The following KIAA1217 variants were observed in gnomAD, a reference collection of about 807,000 sequenced individuals.
The protein encoded by KIAA1217 is sickle tail protein homolog.
Under a neutral mutation model 163.9 loss-of-function variants are expected in KIAA1217, and 88 were observed. That is an observed-to-expected ratio of 0.54 (90% confidence interval 0.45 to 0.64). The LOEUF (loss-of-function observed/expected upper bound fraction) is 0.64, where lower values mean the gene tolerates loss of function less well. Among genes scored for constraint, KIAA1217 ranks in the 30% least tolerant of loss-of-function variants. The pLI is 0.00. For missense variants in KIAA1217, 2,372 were observed against 2,475.0 expected, an observed-to-expected ratio of 0.96 and a Z score of 0.88; for synonymous variants, 903 against 923.1, an observed-to-expected ratio of 0.98 and a Z score of 0.39.
intron 5 of KIAA1217, among the ~76,000 whole-genome samples, chr10:24,441,472 C>A (rs1032254545): frequency 6.6e-6 from 1 of 152,076 alleles, no homozygotes; most frequent in Non-Finnish European, 1.5e-5. Context: ...CTTCCCAGAG[C>A]GGTTTTATGA....
intron 1 of KIAA1217, among the ~76,000 whole-genome samples, chr10:23,850,519 G>C (rs1008484231): frequency 1.3e-5 from 2 of 152,126 alleles, no homozygotes; most frequent in African/African-American, 2.4e-5. Context: ...TTTATGAAGA[G>C]GCAAAGATTG....
In KIAA1217 at chr10:24,525,955, C is replaced by T. The variant is rs143728352; in HGVS notation, c.2898+1191C>T. On this transcript the variant is annotated intron_variant, in intron 13 of 20. Transcript: ENST00000376454. ...TCAGTGAGCCAAGATCACGCCACTG[C>T]ACTCTAGCCTGGGCGACAGAGTGAG... is the stretch of plus-strand genomic sequence containing the variant. Among the ~76,000 whole-genome samples, 930 of 152,334 alleles carry T rather than the reference C, an allele frequency of 6.1e-3. 10 individuals carry two copies. Among genetic ancestry groups the T allele is most frequent in the African/African-American group, 0.021 (887 of 41,568 alleles).
chr10:24,155,218 C>G (rs2064820871), intron 2 of KIAA1217, among the ~76,000 whole-genome samples: 1 of 152,138 alleles, frequency 6.6e-6, no homozygotes, highest in South Asian at 2.1e-4. Flanking sequence ...CTCCTGCCTC[C>G]TTTCCTAGTC....
intron 1 of KIAA1217, among the ~76,000 whole-genome samples, chr10:23,956,589 T>G (rs1213573899): frequency 2.0e-5 from 3 of 152,160 alleles, no homozygotes; most frequent in Middle Eastern, 3.2e-3. Flanking sequence ...GTTTTTGCAT[T>G]GCTGTAAAGG....
intron 1 of KIAA1217, among the ~76,000 whole-genome samples, chr10:23,781,788 G>C (rs1228522403): frequency 6.6e-6 from 1 of 152,088 alleles, no homozygotes; most frequent in Non-Finnish European, 1.5e-5. Context: ...TTCGTATATA[G>C]ATATTTAGTT....
In KIAA1217 at chr10:23,790,430, CATATACAT is replaced by C. The variant is rs1464940101; in HGVS notation, c.-321+95213_-321+95220del. Among the ~76,000 whole-genome samples, 56 of 73,742 alleles carry C rather than the reference CATATACAT, an allele frequency of 7.6e-4. 4 individuals are homozygous for C. In the East Asian group the frequency reaches 0.019, roughly 24 times the overall value. The allele number at this position is 73,742 out of a possible 152,430, so 48.4% of individuals were successfully genotyped here. On this transcript the variant is annotated intron_variant, in intron 1 of 18. Transcript: ENST00000376462. ...ATACATATACATATATACATATATA[CATATACAT>C]ATATACATATATACATGTGCATATA...
intron 2 of KIAA1217, among the ~76,000 whole-genome samples, chr10:24,048,384 GA>G (rs1849201874): frequency 6.6e-6 from 1 of 152,198 alleles, no homozygotes; most frequent in Non-Finnish European, 1.5e-5. Flanking sequence ...GTGTGAATAT[GA>G]AAAATTACAC....
chr10:24,022,909 G>C (rs1420534502), intron 2 of KIAA1217, among the ~76,000 whole-genome samples: 1 of 147,296 alleles, frequency 6.8e-6, no homozygotes, highest in Non-Finnish European at 1.5e-5. Context: ...AGGAACTTAA[G>C]GATATATACT....
At chr10:24,035,810 C>T (rs552967139) in intron 2 of KIAA1217, among the ~76,000 whole-genome samples, 2 of 152,276 alleles carry the variant, frequency 1.3e-5, no homozygotes, top group South Asian at 4.1e-4. Context: ...GCCAAAAAAG[C>T]GAAGTTGGCT....
At chr10:23,725,083 G>T (rs1588668267) in intron 1 of KIAA1217, among the ~76,000 whole-genome samples, 1 of 152,036 alleles carries the variant, frequency 6.6e-6, no homozygotes, top group African/African-American at 2.4e-5. Context: ...CTATGTCATG[G>T]GTTCTCTTTC....
intron 3 of KIAA1217, among the ~76,000 whole-genome samples, chr10:24,392,263 G>A (rs1198534883): frequency 1.3e-5 from 2 of 151,982 alleles, no homozygotes; most frequent in Non-Finnish European, 2.9e-5. Context: ...AAGTTTTAAG[G>A]CATTATCTTC....
chr10:23,863,260 C>A, intron 1 of KIAA1217, among the ~76,000 whole-genome samples: 1 of 152,272 alleles, frequency 6.6e-6, no homozygotes, highest in East Asian at 1.9e-4. Flanking sequence ...ACCAAACTCC[C>A]GATCTTAATT....
chr10:23,704,172 G>GTGTGTGTGTGTGTGTGTGTATA (rs1229370789), intron 1 of KIAA1217, among the ~76,000 whole-genome samples: 1 of 39,942 alleles, frequency 2.5e-5, no homozygotes, highest in African/African-American at 1.3e-4. Context: ...GTGTGTGTGT[G>GTGTGTGTGTGTGTGTGTGTATA]TATATATATA....
intron 2 of KIAA1217, among the ~76,000 whole-genome samples, chr10:24,353,645 G>A (rs2048729620): frequency 6.6e-6 from 1 of 152,136 alleles, no homozygotes; most frequent in Admixed American, 6.5e-5. Context: ...CTCTTGATGT[G>A]ACTCAGTTTT....
At chr10:24,478,277 C>T (rs982547417) in intron 6 of KIAA1217, among the ~76,000 whole-genome samples, 1 of 152,192 alleles carries the variant, frequency 6.6e-6, no homozygotes, top group Non-Finnish European at 1.5e-5. Flanking sequence ...TTGGTAACAG[C>T]TCTGTTGACT....
chr10:24,016,018 T>G (rs1242709665), intron 2 of KIAA1217, among the ~76,000 whole-genome samples: 3 of 152,140 alleles, frequency 2.0e-5, no homozygotes, highest in African/African-American at 4.8e-5. Flanking sequence ...GCTGAACAAT[T>G]TACTGGAAGA....
chr10:24,499,946 G>T (rs1324629517), intron 8 of KIAA1217, among the ~76,000 whole-genome samples: 1 of 152,182 alleles, frequency 6.6e-6, no homozygotes, highest in Non-Finnish European at 1.5e-5. Context: ...GGCCAAGCAA[G>T]AAAGAGGATA....
chr10:23,987,629 G>A (rs901537673), intron 1 of KIAA1217, among the ~76,000 whole-genome samples: 10 of 96,228 alleles, frequency 1.0e-4, no homozygotes, highest in East Asian at 8.8e-4. Context: ...GTGTGTATGT[G>A]TACGTGTGTG....
chr10:24,018,137 TAA>T (rs771144778), intron 2 of KIAA1217, among the ~76,000 whole-genome samples: 4 of 149,770 alleles, frequency 2.7e-5, no homozygotes, highest in African/African-American at 9.8e-5. Flanking sequence ...AGCTTCATAT[TAA>T]AAAAAAAATT....
Sources: gnomAD v4.1 joint callset for allele counts (sites outside exome capture counted in the v4.1 genomes callset) on GRCh38, gnomAD v4.1.1 for gene constraint, MANE v1.5 for transcripts, NCBI Gene and HGNC (gene_info 2026-07-23, HGNC 2026-07-21) for gene names.